Variants in CERK observed in about 807,000 individuals in gnomAD.
CERK encodes acylsphingosine kinase.
A neutral mutation model predicts 63.4 loss-of-function variants in CERK; 39 were observed. That is an observed-to-expected ratio of 0.61 (90% CI 0.48 to 0.80). The LOEUF (loss-of-function observed/expected upper bound fraction) is 0.80, where lower values mean the gene tolerates loss of function less well. Among genes scored for constraint, CERK ranks in the 30% least tolerant of loss-of-function variants. The pLI, the probability that CERK is intolerant of heterozygous loss-of-function variation, is 0.00. For missense variants in CERK, 670 were observed against 714.1 expected (o/e 0.94, Z 0.70); for synonymous variants, 302 against 280.0 (o/e 1.08, Z -0.78).
chr22:46,706,452 G>C (rs909794906), intron 6 of CERK, among the ~76,000 whole-genome samples: 2 of 152,092 alleles, frequency 1.3e-5, no homozygotes, highest in East Asian at 3.9e-4. Flanking sequence ...TGAGAGACTT[G>C]TTATTGGAAG....
intron 5 of CERK, among the ~76,000 whole-genome samples, chr22:46,709,484 C>T (rs567770415): frequency 1.3e-5 from 2 of 152,316 alleles, no homozygotes; most frequent in Admixed American, 1.3e-4. Context: ...GAACAGAACA[C>T]TCCCGCATTA....
intron 7 of CERK, 62 bp downstream of exon 7, chr22:46,701,574 A>G: frequency 2.2e-6 from 3 of 1,393,464 alleles, no homozygotes; most frequent in Admixed American, 4.1e-5. Flanking sequence ...CCAGAGTGGG[A>G]CAGGCCTGGG....
intron 8 of CERK, among the ~76,000 whole-genome samples, chr22:46,696,575 G>A (rs749034000): frequency 2.0e-5 from 3 of 152,104 alleles, no homozygotes; most frequent in South Asian, 4.1e-4. Context: ...ATGTCCTACC[G>A]GCACCTAAAA....
chr22:46,708,044 G>T, intron 5 of CERK, 56 bp from the exon 6 acceptor site: 4 of 1,532,918 alleles, frequency 2.6e-6, no homozygotes, highest in Non-Finnish European at 3.5e-6. Flanking sequence ...TCTGAGCGCA[G>T]CAGGCCTGAG....
Position 46,687,120 on chromosome 22 carries a change from A to G in CERK, c.*14T>C, listed in dbSNP as rs1270955997. The G allele has an allele frequency of 6.2e-7, 1 of 1,612,402 alleles. No homozygotes were observed. Among genetic ancestry groups the G allele is most frequent in the African/African-American group, 1.3e-5 (1 of 75,042 alleles). On this transcript the variant is annotated 3_prime_UTR_variant, in exon 13 of 13. Transcript: ENST00000216264. ...TTTCACACTTTCCCAGTTTGTGAGC[A>G]GGACGCCGGCTTCTCAGCTGTGTGA...
chr22:46,738,129 G>C lies in CERK; in HGVS notation c.20C>G (p.Ala7Gly). The C allele has an allele frequency of 8.1e-7, 1 of 1,229,152 alleles. No homozygotes were observed. The highest frequency in any genetic ancestry group is 1.0e-6 in the Non-Finnish European group (1 of 980,408). 76.1% of individuals were successfully genotyped at this position (1,229,152 alleles called of 1,614,324 possible). A position where few individuals can be genotyped will look rare whatever the true frequency, so the allele number is the denominator to read the frequency against. Residue 7 changes from alanine to glycine, a missense_variant, in exon 1 of 13, where the codon GCG (alanine) becomes GGG (glycine). Transcript: ENST00000216264. MGATGA[A>G]EPLQSVLWVK... Reference sequence around the variant, plus strand: ...CCACAGCACGGATTGCAGCGGCTCCGCCGCCCCCGTCGCCCCCATCTCCGC... The same window carrying C: ...CCACAGCACGGATTGCAGCGGCTCCCCCGCCCCCGTCGCCCCCATCTCCGC...
chr22:46,712,245 T>C lies in CERK; in HGVS notation c.428A>G (p.Lys143Arg), dbSNP rs1233222823. 6.2e-7 allele frequency: 1 copy of C among 1,614,132 alleles called. No homozygotes were observed. The highest frequency in any genetic ancestry group is 8.5e-7 in the Non-Finnish European group (1 of 1,179,958). ...LLVFINPFGG[K>R]GQGKRIYERK... ...TTCATATATCCGCTTGCCTTGTCCT[T>C]TTCCTCCAAACGGGTTGATAAATAC... The change falls in exon 4 of 13, where the codon AAA (lysine) becomes AGA (arginine). Residue 143 changes from lysine (K) to arginine (R), a missense_variant. Lys to Arg is a conservative substitution (Grantham distance 26, BLOSUM62 2). Transcript: ENST00000216264.
Position 46,686,723 on chromosome 22 carries a change from T to G in CERK, c.*411A>C, listed in dbSNP as rs2082703416. On this transcript the variant is annotated 3_prime_UTR_variant, in exon 13 of 13. Transcript: ENST00000216264. ...AACTTGGCCACAAACCGTTACAGAA[T>G]AAGTCCTGCAAAGTGGATCAAAGTG... 5.3e-6 allele frequency: 1 copy of G among 190,412 alleles called. No individual in the cohort carries two copies. The highest frequency in any genetic ancestry group is 5.3e-5 in the Admixed American group (1 of 18,762). 11.8% of individuals were successfully genotyped at this position (190,412 alleles called of 1,614,324 possible).
intron 1 of CERK, among the ~76,000 whole-genome samples, chr22:46,730,172 C>G (rs915041225): frequency 1.3e-5 from 2 of 151,512 alleles, no homozygotes; most frequent in African/African-American, 4.9e-5. Context: ...AATCCTAGCA[C>G]TTTGGGAGGC....
chr22:46,708,650 C>T (rs1177975873), intron 5 of CERK, among the ~76,000 whole-genome samples: 3 of 152,166 alleles, frequency 2.0e-5, no homozygotes, highest in African/African-American at 7.2e-5. Flanking sequence ...GGGTTGGTTT[C>T]AGGGTGTGCT....
chr22:46,702,296 T>A lies in CERK; in HGVS notation c.716-586A>T, dbSNP rs1453901186. ...ATTTACAATTATAGGCATAACAAAATTTTTTTTTTTTTTTCCGAGACGGAG... is the reference window on the plus strand; with the variant it reads ...ATTTACAATTATAGGCATAACAAAAATTTTTTTTTTTTTTCCGAGACGGAG... On this transcript the variant is annotated intron_variant, in intron 6 of 12. Transcript: ENST00000216264. Among the ~76,000 whole-genome samples the A allele has an allele frequency of 1.4e-3, 8 of 5,580 alleles. No homozygotes were observed. The African/African-American group carries it at 0.04, about 28-fold the overall frequency. The allele number at this position is 5,580 out of a possible 152,430, so 3.7% of individuals were successfully genotyped here.
intron 5 of CERK, 72 bp from the exon 6 acceptor site, chr22:46,708,060 C>A: frequency 6.7e-7 from 1 of 1,482,448 alleles, no homozygotes; most frequent in South Asian, 1.3e-5. Flanking sequence ...CTGAGGCTTC[C>A]AGCTTCAGGA....
At chr22:46,707,262 C>T (rs138764575) in intron 6 of CERK, among the ~76,000 whole-genome samples, 145 of 152,308 alleles carry the variant, frequency 9.5e-4, no homozygotes, top group African/African-American at 3.2e-3. Context: ...CAACACACCA[C>T]GCTCAGGCCC....
At chr22:46,737,861 G>A in intron 1 of CERK, 146 bp downstream of exon 1, 1 of 196,750 alleles carries the variant, frequency 5.1e-6, no homozygotes, top group East Asian at 1.8e-4. Flanking sequence ...CGCCTGCCCC[G>A]ACCCCTCCCT....
intron 5 of CERK, among the ~76,000 whole-genome samples, chr22:46,708,537 G>A (rs2082825057): frequency 6.6e-6 from 1 of 152,222 alleles, no homozygotes; most frequent in African/African-American, 2.4e-5. Flanking sequence ...GAGGACCCAA[G>A]GCAAGAGCAG....
intron 8 of CERK, among the ~76,000 whole-genome samples, chr22:46,695,985 G>A (rs889952170): frequency 2.4e-4 from 36 of 152,278 alleles, no homozygotes; most frequent in African/African-American, 7.2e-4. Flanking sequence ...GTCTCAGGGC[G>A]ACTTCACTCC....
At chr22:46,729,726 T>C (rs7287957) in intron 1 of CERK, among the ~76,000 whole-genome samples, 3,123 of 152,184 alleles carry the variant, frequency 0.021, 90 homozygotes, top group African/African-American at 0.07. Context: ...CAGATGTTGA[T>C]GTTATCAGAC....
At chr22:46,703,455 G>A (rs1297138407) in intron 6 of CERK, among the ~76,000 whole-genome samples, 2 of 152,048 alleles carry the variant, frequency 1.3e-5, no homozygotes, top group Non-Finnish European at 1.5e-5. Flanking sequence ...TGCCACCACC[G>A]GCCGTGCGCA....
At chr22:46,707,124 A>C (rs2146562992) in intron 6 of CERK, among the ~76,000 whole-genome samples, 1 of 152,208 alleles carries the variant, frequency 6.6e-6, no homozygotes, top group Middle Eastern at 3.4e-3. Context: ...AATGGGGATG[A>C]CTGCGGTGCT....
Sources: allele counts gnomAD v4.1 joint callset (sites outside exome capture counted in the v4.1 genomes callset), GRCh38; gene constraint gnomAD v4.1.1; transcripts MANE v1.5; gene names NCBI Gene and HGNC (gene_info 2026-07-23, HGNC 2026-07-21).